The following MAML2 variants were observed in gnomAD, a reference collection of about 807,000 sequenced individuals.
MAML2 encodes the protein mastermind-like protein 2.
In MAML2, 22 loss-of-function variants were observed where a neutral mutation model predicts 96.1. That is an observed-to-expected ratio of 0.23 (90% CI 0.16 to 0.33). MAML2 has a LOEUF of 0.33. MAML2 is among the 10% of genes least tolerant of loss of function. The pLI is 1.00. For missense variants in MAML2, 1,367 were observed against 1,392.4 expected, an observed-to-expected ratio of 0.98 and a Z score of 0.29; for synonymous variants, 561 against 521.3, an observed-to-expected ratio of 1.08 and a Z score of -1.04.
At position 96,292,093 on chromosome 11, in the gene MAML2, A is replaced by G. The variant is rs1005826822; in HGVS notation, c.513+49290T>C. On this transcript the variant is annotated intron_variant, in intron 1 of 4. Transcript: ENST00000524717. ...AAATGATTTCCTGCACGTTATTGTCATACACCATTTTACCTTGTAGCACAT... is the reference window on the plus strand; with the variant it reads ...AAATGATTTCCTGCACGTTATTGTCGTACACCATTTTACCTTGTAGCACAT... Among the ~76,000 whole-genome samples, 3 of 152,342 alleles carry G rather than the reference A, an allele frequency of 2.0e-5. No homozygotes were observed. In the East Asian group the frequency reaches 5.8e-4, roughly 29 times the overall value.
chr11:96,020,163 A>G (rs1298163619), intron 2 of MAML2, among the ~76,000 whole-genome samples: 1 of 152,186 alleles, frequency 6.6e-6, no homozygotes, highest in East Asian at 1.9e-4. Context: ...CTGGACCCTT[A>G]CTTCACTTCT....
intron 1 of MAML2, among the ~76,000 whole-genome samples, chr11:96,154,143 T>C (rs1374345214): frequency 6.6e-6 from 1 of 152,028 alleles, no homozygotes; most frequent in Non-Finnish European, 1.5e-5. Context: ...AAACTGAACT[T>C]TAACAAAGAA....
At chr11:95,993,934 T>C (rs1482357458) in intron 2 of MAML2, among the ~76,000 whole-genome samples, 2 of 152,194 alleles carry the variant, frequency 1.3e-5, no homozygotes. Context: ...ACTTGTATTA[T>C]TAACCCAACT....
chr11:96,192,656 T>C (rs540669906), intron 1 of MAML2, among the ~76,000 whole-genome samples: 4 of 152,370 alleles, frequency 2.6e-5, no homozygotes, highest in Admixed American at 2.0e-4. Flanking sequence ...AATTTGTCTA[T>C]ATGCTAGCAT....
At position 96,018,319 on chromosome 11, in the gene MAML2, A is replaced by G. The variant is rs184314356; in HGVS notation, c.2140-26596T>C. Among the ~76,000 whole-genome samples the G allele has an allele frequency of 7.7e-4, 118 of 152,294 alleles. 1 individual carries two copies. The highest frequency in any genetic ancestry group is 1.4e-3 in the Non-Finnish European group (96 of 68,022). Reference sequence around the variant, plus strand: ...TCCAAGTGGAGATGTCAGGAAGGCAACTTGATATATGAGTCTGGAGTTCAG... The same window carrying G: ...TCCAAGTGGAGATGTCAGGAAGGCAGCTTGATATATGAGTCTGGAGTTCAG... On this transcript the variant is annotated intron_variant, in intron 2 of 4. Coordinates refer to ENST00000524717, the MANE Select transcript of MAML2 (RefSeq NM_032427.4).
chr11:96,157,372 T>G (rs1045577520), intron 1 of MAML2, among the ~76,000 whole-genome samples: 1 of 152,248 alleles, frequency 6.6e-6, no homozygotes, highest in Non-Finnish European at 1.5e-5. Context: ...TATAAGGCAA[T>G]GTTTATCATC....
intron 1 of MAML2, among the ~76,000 whole-genome samples, chr11:96,207,057 G>A (rs973205053): frequency 1.3e-5 from 2 of 152,210 alleles, no homozygotes; most frequent in African/African-American, 2.4e-5. Context: ...AAGGAAAGAT[G>A]TTAAGTCTGC....
chr11:96,203,937 CACTTG>C (rs1305418061), intron 1 of MAML2, among the ~76,000 whole-genome samples: 1 of 152,182 alleles, frequency 6.6e-6, no homozygotes, highest in Non-Finnish European at 1.5e-5. Context: ...ATAGATGGTG[CACTTG>C]ACTTAGGATA....
chr11:96,109,268 T>C (rs925023752), intron 1 of MAML2, among the ~76,000 whole-genome samples: 1 of 152,166 alleles, frequency 6.6e-6, no homozygotes, highest in African/African-American at 2.4e-5. Flanking sequence ...CTCAGTGAGA[T>C]GCAGAAGTCT....
At chr11:96,129,547 A>C (rs920848747) in intron 1 of MAML2, among the ~76,000 whole-genome samples, 1 of 152,204 alleles carries the variant, frequency 6.6e-6, no homozygotes, top group Non-Finnish European at 1.5e-5. Context: ...AATCCACACA[A>C]ACTAAATCCA....
chr11:96,065,295 T>C lies in MAML2; in HGVS notation c.2139+26597A>G, dbSNP rs533256649. Among the ~76,000 whole-genome samples the C allele has an allele frequency of 2.6e-5, 4 of 152,244 alleles. No homozygotes were observed. The East Asian group carries it at 5.8e-4, about 22-fold the overall frequency. ...TCTTGTAATATACCCAGGATAGCAATTGTTAGTTTCCATGGCATATCAGGG... is the reference window on the plus strand; with the variant it reads ...TCTTGTAATATACCCAGGATAGCAACTGTTAGTTTCCATGGCATATCAGGG... On this transcript the variant is annotated intron_variant, in intron 2 of 4. Coordinates refer to ENST00000524717, the MANE Select transcript of MAML2 (RefSeq NM_032427.4).
intron 1 of MAML2, among the ~76,000 whole-genome samples, chr11:96,281,043 T>C (rs1333189704): frequency 6.6e-6 from 1 of 152,208 alleles, no homozygotes; most frequent in Non-Finnish European, 1.5e-5. Flanking sequence ...TTAAGCATCA[T>C]TAATATTAAA....
chr11:96,186,513 C>T lies in MAML2; in HGVS notation c.514-92996G>A, dbSNP rs191890284. Among the ~76,000 whole-genome samples the T allele has an allele frequency of 4.0e-4, 61 of 152,154 alleles. No individual in the cohort carries two copies. In the East Asian group the frequency reaches 0.01, roughly 26 times the overall value. On this transcript the variant is annotated intron_variant, in intron 1 of 4. Transcript: ENST00000524717. ...CTGAGACAGGAGAATCTCTTGAACC[C>T]GGGAGGTGGAGGTTGCGGTGAGCTG...
intron 1 of MAML2, among the ~76,000 whole-genome samples, chr11:96,143,484 G>A (rs552490946): frequency 6.6e-5 from 10 of 152,132 alleles, no homozygotes; most frequent in East Asian, 1.9e-4. Flanking sequence ...AGTTTTATCC[G>A]AAGCTGCAGG....
At chr11:96,316,455 A>G (rs1863634528) in intron 1 of MAML2, among the ~76,000 whole-genome samples, 1 of 152,014 alleles carries the variant, frequency 6.6e-6, no homozygotes, top group East Asian at 1.9e-4. Flanking sequence ...GGGATGTTCA[A>G]TAAGGCTACC....
intron 1 of MAML2, among the ~76,000 whole-genome samples, chr11:96,147,179 T>C (rs977319181): frequency 6.6e-6 from 1 of 152,240 alleles, no homozygotes; most frequent in Non-Finnish European, 1.5e-5. Context: ...ATATATGCTA[T>C]ACAGCTAAAC....
At chr11:96,161,131 T>C (rs1038274231) in intron 1 of MAML2, among the ~76,000 whole-genome samples, 7 of 152,206 alleles carry the variant, frequency 4.6e-5, no homozygotes, top group Non-Finnish European at 7.3e-5. Flanking sequence ...CACTAGAAAC[T>C]GCAGAGCTGA....
chr11:96,310,455 A>T (rs1391728062), intron 1 of MAML2, among the ~76,000 whole-genome samples: 1 of 152,242 alleles, frequency 6.6e-6, no homozygotes, highest in Non-Finnish European at 1.5e-5. Context: ...CTCTGGAATC[A>T]TCTTTCAAGT....
chr11:96,184,591 C>CT (rs35327027), intron 1 of MAML2, among the ~76,000 whole-genome samples: 17,165 of 128,154 alleles, frequency 0.13, 1,889 homozygotes, highest in African/African-American at 0.21. Context: ...AGTCATTTTA[C>CT]TTTTTTTTTT....
Sources: gnomAD v4.1 joint callset for allele counts (sites outside exome capture counted in the v4.1 genomes callset) on GRCh38, gnomAD v4.1.1 for gene constraint, MANE v1.5 for transcripts, NCBI Gene and HGNC (gene_info 2026-07-23, HGNC 2026-07-21) for gene names.